Variants in PRKCA observed in about 807,000 individuals in gnomAD.
The protein encoded by PRKCA is protein kinase C alpha.
PRKCA carries 27 observed loss-of-function variants against 87.0 expected under a neutral mutation model. That is an observed-to-expected ratio of 0.31 (90% CI 0.23 to 0.43). The LOEUF (loss-of-function observed/expected upper bound fraction) is 0.43. PRKCA is among the 20% of genes least tolerant of loss of function. The pLI is 1.00. For missense variants in PRKCA, 518 were observed against 852.3 expected, an observed-to-expected ratio of 0.61 and a Z score of 4.88; for synonymous variants, 329 against 311.1, an observed-to-expected ratio of 1.06 and a Z score of -0.61.
At chr17:66,554,709 C>A in intron 3 of PRKCA, 1 of 207,970 alleles carries the variant, frequency 4.8e-6, no homozygotes, top group Non-Finnish European at 8.4e-6. Context: ...CCTTGTCCTT[C>A]CTCTTGGCTT....
chr17:66,591,392 C>G (rs1969800508), intron 3 of PRKCA, among the ~76,000 whole-genome samples: 1 of 151,882 alleles, frequency 6.6e-6, no homozygotes, highest in Admixed American at 6.6e-5. Flanking sequence ...CTCCCGGGCT[C>G]AAATGATCCT....
intron 2 of PRKCA, among the ~76,000 whole-genome samples, chr17:66,479,401 T>C (rs373536831): frequency 6.6e-6 from 1 of 152,230 alleles, no homozygotes. Flanking sequence ...TTTACACTTA[T>C]GGTGGAAATG....
chr17:66,562,454 A>G (rs1205811201), intron 3 of PRKCA, among the ~76,000 whole-genome samples: 1 of 151,918 alleles, frequency 6.6e-6, no homozygotes, highest in Non-Finnish European at 1.5e-5. Flanking sequence ...ACCCTGGAGG[A>G]CACCTAAGGG....
rs1195619199 is a variant in PRKCA, at chr17:66,638,108, A to AT, written c.289-3247_289-3246insT. ...AAAATAGGTGGTGGACTTGTTTCTA[A>AT]AATATATATATATATATGTGTGTGT... is the stretch of plus-strand genomic sequence containing the variant. On this transcript the variant is annotated intron_variant, in intron 3 of 16. Coordinates refer to ENST00000413366, the MANE Select transcript of PRKCA (RefSeq NM_002737.3). Among the ~76,000 whole-genome samples, 44 of 119,666 alleles carry AT rather than the reference A, an allele frequency of 3.7e-4. No individual in the cohort carries two copies. In the East Asian group the frequency reaches 0.01, roughly 27 times the overall value. The allele number at this position is 119,666 out of a possible 152,430, so 78.5% of individuals were successfully genotyped here. A position where few individuals can be genotyped will look rare whatever the true frequency, so the allele number is the denominator to read the frequency against.
At chr17:66,397,489 A>G (rs989464934) in intron 2 of PRKCA, among the ~76,000 whole-genome samples, 1 of 151,932 alleles carries the variant, frequency 6.6e-6, no homozygotes, top group African/African-American at 2.4e-5. Context: ...GAAAAGATAT[A>G]TCTTTAAAAA....
chr17:66,660,276 T>C lies in PRKCA; in HGVS notation c.529+14765T>C, dbSNP rs78006810. Among the ~76,000 whole-genome samples the C allele has an allele frequency of 2.2e-3, 337 of 152,246 alleles. 12 individuals are homozygous for C. In the East Asian group the frequency reaches 0.059, roughly 27 times the overall value. ...GGTCCGTTTGGTGGGGGTCCAGTTT[T>C]CTGAAACAACTCAAGGGCATGTGTT... On this transcript the variant is annotated intron_variant, in intron 5 of 16. Coordinates refer to ENST00000413366, the MANE Select transcript of PRKCA (RefSeq NM_002737.3).
intron 8 of PRKCA, among the ~76,000 whole-genome samples, chr17:66,706,049 T>C (rs1973183452): frequency 6.6e-6 from 1 of 152,142 alleles, no homozygotes; most frequent in Non-Finnish European, 1.5e-5. Flanking sequence ...CCTCCAAGTA[T>C]GGGAGCTGAT....
At chr17:66,571,831 A>T (rs1969087360) in intron 3 of PRKCA, among the ~76,000 whole-genome samples, 1 of 152,172 alleles carries the variant, frequency 6.6e-6, no homozygotes. Flanking sequence ...GGTAGATCTT[A>T]CCACTGAGTG....
chr17:66,408,948 A>T (rs1298397668), intron 2 of PRKCA, among the ~76,000 whole-genome samples: 1 of 141,954 alleles, frequency 7.0e-6, no homozygotes, highest in Non-Finnish European at 1.5e-5. Flanking sequence ...GCTACTTAGG[A>T]GGCTGAGGCA....
intron 16 of PRKCA, among the ~76,000 whole-genome samples, chr17:66,797,245 C>G (rs190783510): frequency 5.2e-4 from 79 of 152,356 alleles, no homozygotes; most frequent in African/African-American, 1.8e-3. Context: ...GTGTTTGCCA[C>G]ACAAGGCTCC....
At chr17:66,658,808 G>A (rs930677639) in intron 5 of PRKCA, among the ~76,000 whole-genome samples, 11 of 152,156 alleles carry the variant, frequency 7.2e-5, no homozygotes, top group African/African-American at 2.7e-4. Flanking sequence ...TTTCAGTCCT[G>A]ACTCTTTCAT....
intron 2 of PRKCA, among the ~76,000 whole-genome samples, chr17:66,494,932 G>T (rs1373123198): frequency 6.6e-6 from 1 of 151,912 alleles, no homozygotes; most frequent in Non-Finnish European, 1.5e-5. Context: ...GTGAAACCGT[G>T]TCTCTACAAA....
intron 2 of PRKCA, among the ~76,000 whole-genome samples, chr17:66,380,769 T>C (rs917907776): frequency 1.3e-5 from 2 of 152,162 alleles, no homozygotes; most frequent in African/African-American, 4.8e-5. Flanking sequence ...TAGCAGAGTG[T>C]TTTGGTGTGT....
intron 2 of PRKCA, among the ~76,000 whole-genome samples, chr17:66,396,605 T>C (rs1436667572): frequency 6.6e-6 from 1 of 150,820 alleles, no homozygotes; most frequent in Non-Finnish European, 1.5e-5. Flanking sequence ...TTTTTCCTTG[T>C]GAATGTTCTG....
intron 3 of PRKCA, among the ~76,000 whole-genome samples, chr17:66,617,569 A>G (rs1025488256): frequency 6.6e-6 from 1 of 152,200 alleles, no homozygotes; most frequent in African/African-American, 2.4e-5. Context: ...CAGCAGAAGC[A>G]GGTAGATCTG....
chr17:66,348,013 C>G (rs548321331), intron 2 of PRKCA, among the ~76,000 whole-genome samples: 1 of 133,478 alleles, frequency 7.5e-6, no homozygotes, highest in African/African-American at 2.7e-5. Context: ...CCAGTCTTAG[C>G]TCACTGCAAC....
At chr17:66,342,440 TAAATAATAA>T (rs934043418) in intron 2 of PRKCA, among the ~76,000 whole-genome samples, 1 of 84,230 alleles carries the variant, frequency 1.2e-5, no homozygotes, top group Non-Finnish European at 2.4e-5. Flanking sequence ...TAAAATAAAA[TAAATAATAA>T]TAATAATAAT....
chr17:66,520,502 G>A (rs1022622678), intron 3 of PRKCA, among the ~76,000 whole-genome samples: 1 of 151,974 alleles, frequency 6.6e-6, no homozygotes, highest in Admixed American at 6.6e-5. Flanking sequence ...CTGGCCTCAA[G>A]CAATCCTGCC....
chr17:66,390,238 AAT>A (rs1047581231), intron 2 of PRKCA, among the ~76,000 whole-genome samples: 9 of 152,198 alleles, frequency 5.9e-5, no homozygotes, highest in Non-Finnish European at 1.2e-4. Context: ...AGAAAAAAAA[AAT>A]CATGAAGAGT....
Sources: allele counts gnomAD v4.1 joint callset (sites outside exome capture counted in the v4.1 genomes callset), GRCh38; gene constraint gnomAD v4.1.1; transcripts MANE v1.5; gene names NCBI Gene and HGNC (gene_info 2026-07-23, HGNC 2026-07-21).